ABTB2: variants seen among roughly 807,000 people sequenced by gnomAD.
The protein encoded by ABTB2 is ankyrin repeat and BTB/POZ domain-containing protein 2.
Under a neutral mutation model 104.1 loss-of-function variants are expected in ABTB2, and 56 were observed. The observed-to-expected ratio is 0.54, with a 90% CI of 0.43 to 0.67. The LOEUF (loss-of-function observed/expected upper bound fraction) is 0.67. ABTB2 is among the 30% of genes least tolerant of loss of function. The pLI, the probability that ABTB2 is intolerant of heterozygous loss-of-function variation, is 0.00. For missense variants in ABTB2, 1,279 were observed against 1,407.7 expected (o/e 0.91, Z 1.46); for synonymous variants, 606 against 608.2 (o/e 1.00, Z 0.05).
chr11:34,241,950 G>C (rs1853923572), intron 1 of ABTB2, among the ~76,000 whole-genome samples: 1 of 152,246 alleles, frequency 6.6e-6, no homozygotes, highest in African/African-American at 2.4e-5. Context: ...GTCTGTGAAA[G>C]TTCCACACAT....
chr11:34,268,612 C>T (rs570709072), intron 1 of ABTB2, among the ~76,000 whole-genome samples: 5 of 152,336 alleles, frequency 3.3e-5, no homozygotes, highest in Non-Finnish European at 5.9e-5. Context: ...CCAGCCACTG[C>T]GTGAGTTTCC....
chr11:34,268,193 C>T (rs146945954), intron 1 of ABTB2, among the ~76,000 whole-genome samples: 19 of 152,312 alleles, frequency 1.2e-4, no homozygotes, highest in Non-Finnish European at 2.6e-4. Context: ...CTTGGGTTCT[C>T]TTGGATTATC....
rs374624400 is a variant in ABTB2 at position 34,298,758 on chromosome 11, A to C, written c.883+57943T>G. 5.3e-5 allele frequency among the ~76,000 whole-genome samples: 8 copies of C among 152,282 alleles called. No homozygotes were observed. In the East Asian group the frequency reaches 7.7e-4, roughly 15 times the overall value. ...ATTATAGGTGTGAGCAACAGCACCC[A>C]GCCTAAACCCATTACTTTTAAAAGT... On this transcript the variant is annotated intron_variant, in intron 1 of 16. Transcript: ENST00000435224.
intron 1 of ABTB2, among the ~76,000 whole-genome samples, chr11:34,349,977 ATC>A (rs1855378848): frequency 6.6e-6 from 1 of 152,182 alleles, no homozygotes; most frequent in East Asian, 1.9e-4. Context: ...GCCTGGCTGC[ATC>A]TCTCACATCC....
chr11:34,267,559 G>A (rs1040873497), intron 1 of ABTB2, among the ~76,000 whole-genome samples: 3 of 152,178 alleles, frequency 2.0e-5, no homozygotes, highest in African/African-American at 7.2e-5. Context: ...GACTTTGAAT[G>A]GTAAGATTTC....
intron 1 of ABTB2, among the ~76,000 whole-genome samples, chr11:34,220,738 T>A (rs533891555): frequency 2.0e-4 from 30 of 152,216 alleles, no homozygotes; most frequent in African/African-American, 3.9e-4. Context: ...AAATAATAAA[T>A]AAATAACCCC....
chr11:34,323,735 A>G (rs1855032767), intron 1 of ABTB2, among the ~76,000 whole-genome samples: 1 of 152,194 alleles, frequency 6.6e-6, no homozygotes, highest in Non-Finnish European at 1.5e-5. Context: ...AGAGTGACCT[A>G]GTATAGCTTG....
intron 1 of ABTB2, among the ~76,000 whole-genome samples, chr11:34,272,706 C>CAAAAAAAAAAAA (rs35638814): frequency 8.3e-4 from 34 of 41,032 alleles, no homozygotes; most frequent in African/African-American, 2.1e-3. Context: ...GACTCCGTCT[C>CAAAAAAAAAAAA]AAAAAAAAAA....
At chr11:34,190,963 A>G (rs934404097) in intron 3 of ABTB2, among the ~76,000 whole-genome samples, 4 of 152,194 alleles carry the variant, frequency 2.6e-5, no homozygotes, top group African/African-American at 7.2e-5. Flanking sequence ...TAACCGTAGA[A>G]GCCATACTAC....
chr11:34,294,863 C>T (rs976853677), intron 1 of ABTB2, among the ~76,000 whole-genome samples: 6 of 151,988 alleles, frequency 3.9e-5, no homozygotes, highest in Non-Finnish European at 7.4e-5. Context: ...TACAGGTGCC[C>T]AAACCATGCC....
intron 1 of ABTB2, among the ~76,000 whole-genome samples, chr11:34,247,267 C>G (rs890039579): frequency 3.3e-5 from 5 of 152,200 alleles, no homozygotes; most frequent in African/African-American, 1.2e-4. Context: ...GCACCACCCC[C>G]TCCCAAAGCT....
intron 1 of ABTB2, among the ~76,000 whole-genome samples, chr11:34,232,998 C>A (rs2133058156): frequency 6.6e-6 from 1 of 151,492 alleles, no homozygotes; most frequent in South Asian, 2.1e-4. Flanking sequence ...CCCAAATGCC[C>A]CGCAAAACAT....
intron 3 of ABTB2, among the ~76,000 whole-genome samples, chr11:34,195,849 G>T (rs1853246384): frequency 6.6e-6 from 1 of 152,218 alleles, no homozygotes. Context: ...CCTGGCTGTG[G>T]AGCCAGCTGT....
At chr11:34,250,082 C>A (rs1854037638) in intron 1 of ABTB2, among the ~76,000 whole-genome samples, 1 of 152,014 alleles carries the variant, frequency 6.6e-6, no homozygotes, top group African/African-American at 2.4e-5. Context: ...TAGGGAGGAG[C>A]CAAGGCAGAA....
intron 2 of ABTB2, among the ~76,000 whole-genome samples, chr11:34,200,658 T>C (rs114026970): frequency 0.02 from 3,025 of 152,318 alleles, 50 homozygotes; most frequent in South Asian, 0.049. Flanking sequence ...CATGAAAAGA[T>C]AGACAAAATT....
chr11:34,267,501 T>G (rs1182975279), intron 1 of ABTB2, among the ~76,000 whole-genome samples: 1 of 152,064 alleles, frequency 6.6e-6, no homozygotes, highest in Non-Finnish European at 1.5e-5. Flanking sequence ...TGTTTGAAAA[T>G]ACTTGTAACA....
At chr11:34,355,086 C>G (rs1179406869) in intron 1 of ABTB2, among the ~76,000 whole-genome samples, 1 of 152,178 alleles carries the variant, frequency 6.6e-6, no homozygotes, top group Non-Finnish European at 1.5e-5. Flanking sequence ...AGCAGATGCT[C>G]TTCAATTCCC....
intron 1 of ABTB2, among the ~76,000 whole-genome samples, chr11:34,216,545 G>A (rs1853550949): frequency 6.6e-6 from 1 of 152,164 alleles, no homozygotes; most frequent in Non-Finnish European, 1.5e-5. Context: ...GAGGTCAGGA[G>A]TTCAAGAGCA....
Position 34,154,681 on chromosome 11 carries a change from C to T in ABTB2, c.2766+20G>A. Reference sequence around the variant, plus strand: ...CTGGGCACCCTAGCCCAGGCCCCCTCCCCCTCTCCCGAGTCTCACCTCCAG... The same window carrying T: ...CTGGGCACCCTAGCCCAGGCCCCCTTCCCCTCTCCCGAGTCTCACCTCCAG... On this transcript the variant is annotated intron_variant, in intron 15 of 16. Transcript: ENST00000435224. This position sits in a 1 kb window ranked among gnomAD's most constrained non-coding sequence, Gnocchi z 4.9. 1 of 1,613,634 alleles carries T rather than the reference C, an allele frequency of 6.2e-7. No homozygotes were observed. Among genetic ancestry groups the T allele is most frequent in the Non-Finnish European group, 8.5e-7 (1 of 1,179,642 alleles).
Sources: allele counts gnomAD v4.1 joint callset (sites outside exome capture counted in the v4.1 genomes callset), GRCh38; gene constraint gnomAD v4.1.1; non-coding constraint Gnocchi (gnomAD v3.1); transcripts MANE v1.5; gene names NCBI Gene and HGNC (gene_info 2026-07-23, HGNC 2026-07-21).